APOOL: variants seen among roughly 807,000 people sequenced by gnomAD.
APOOL encodes apolipoprotein O like, also known as MICOS complex subunit MIC27.
In APOOL, 12 loss-of-function variants were observed where a neutral mutation model predicts 23.1. The ratio of observed to expected loss-of-function variants is 0.52; its 90% CI spans 0.33 to 0.84. The LOEUF (loss-of-function observed/expected upper bound fraction) is 0.84. APOOL is among the 40% of genes least tolerant of loss of function. The probability of loss-of-function intolerance (pLI) is 0.02; values close to 1 mark genes in which losing one functional copy is unlikely to be tolerated. For synonymous variants in APOOL, 77 were observed against 69.9 expected (o/e 1.10, Z -0.51); for missense variants, 212 against 199.6 (o/e 1.06, Z -0.37).
chrX:85,012,485 A>G (rs1438005781), intron 1 of APOOL, among the ~76,000 whole-genome samples: 1 of 111,565 alleles, frequency 9.0e-6, no homozygotes, highest in African/African-American at 3.3e-5. Flanking sequence ...TGGGTTTGTC[A>G]TAAATGGCTT....
rs57159309 is a variant in APOOL, at chrX:85,089,966, C to CAAAAA, written c.*2299_*2303dup. 1 of 81,552 alleles carries CAAAAA rather than the reference C, an allele frequency of 1.2e-5. No homozygotes were observed. 6.7% of individuals were successfully genotyped at this position (81,552 alleles called of 1,213,427 possible). ...AACAAATATTTAATATTAGCTTAAG[C>CAAAAA]AAAAAAAAAAAAAAAGGCCTATCCT... On this transcript the variant is annotated 3_prime_UTR_variant, in exon 9 of 9. Coordinates refer to ENST00000373173, the MANE Select transcript of APOOL (RefSeq NM_198450.6).
chrX:85,046,471 C>T lies in APOOL; in HGVS notation c.41C>T (p.Ala14Val). The change falls in exon 2 of 9, where the codon GCA (alanine) becomes GTA (valine). Residue 14 changes from alanine (A) to valine (V), a missense_variant. By Grantham distance (64) the Ala-to-Val change is moderately conservative. Coordinates refer to ENST00000373173, the MANE Select transcript of APOOL (RefSeq NM_198450.6). ...IRMGKLTTMP[A>V]GLIYASVSVH... ...ATGGGAAAACTGACAACCATGCCTGCAGGTCTGATATATGCATCTGTAAGT... is the reference window on the plus strand; with the variant it reads ...ATGGGAAAACTGACAACCATGCCTGTAGGTCTGATATATGCATCTGTAAGT... The T allele has an allele frequency of 8.3e-7, 1 of 1,206,827 alleles. No homozygotes were observed. The highest frequency in any genetic ancestry group is 1.1e-6 in the Non-Finnish European group (1 of 893,316).
At chrX:85,074,736 A>G (rs996065600) in intron 8 of APOOL, among the ~76,000 whole-genome samples, 3 of 110,759 alleles carry the variant, frequency 2.7e-5, no homozygotes, top group South Asian at 3.8e-4. Context: ...TCACACCTAC[A>G]TAAAGAAATG....
At chrX:85,024,178 G>A (rs1921764767) in intron 1 of APOOL, among the ~76,000 whole-genome samples, 1 of 112,337 alleles carries the variant, frequency 8.9e-6, no homozygotes. Flanking sequence ...CCAGCAAGGT[G>A]TTTACCCTTT....
chrX:85,048,540 C>CT (rs1922655147), intron 2 of APOOL, among the ~76,000 whole-genome samples: 1 of 112,086 alleles, frequency 8.9e-6, no homozygotes, highest in Non-Finnish European at 1.9e-5. Flanking sequence ...TTGTTGCCAG[C>CT]TATGTGCTAG....
At chrX:85,085,497 G>A (rs1002826769) in intron 8 of APOOL, among the ~76,000 whole-genome samples, 1 of 111,868 alleles carries the variant, frequency 8.9e-6, no homozygotes, top group Non-Finnish European at 1.9e-5. Context: ...ATGTGGTGAT[G>A]AAGTTACACA....
At chrX:85,058,878 A>T (rs1046197374) in intron 5 of APOOL, among the ~76,000 whole-genome samples, 3 of 109,056 alleles carry the variant, frequency 2.8e-5, no homozygotes, top group Non-Finnish European at 5.7e-5. Context: ...TCTTTTTTTT[A>T]ATTTTATTAT....
intron 5 of APOOL, among the ~76,000 whole-genome samples, chrX:85,059,774 A>G (rs1236416138): frequency 9.0e-6 from 1 of 111,243 alleles, no homozygotes; most frequent in East Asian, 2.8e-4. Context: ...GAGTCTGGAT[A>G]TTAGCCCTTT....
At chrX:85,032,701 A>G (rs1031198720) in intron 1 of APOOL, among the ~76,000 whole-genome samples, 5 of 111,527 alleles carry the variant, frequency 4.5e-5, no homozygotes, top group Non-Finnish European at 9.4e-5. Context: ...AAATTTCAGA[A>G]TAATTCTTTC....
chrX:85,064,618 T>C (rs1602782053), intron 5 of APOOL, among the ~76,000 whole-genome samples: 1 of 111,720 alleles, frequency 9.0e-6, no homozygotes, highest in Middle Eastern at 4.6e-3. Context: ...TCTTGATCTC[T>C]GCCTTAATTT....
chrX:85,069,777 A>T (rs1258493604), intron 6 of APOOL, among the ~76,000 whole-genome samples: 1 of 110,759 alleles, frequency 9.0e-6, no homozygotes. Context: ...CTTTTAAAAT[A>T]GAATGAACAG....
intron 2 of APOOL, among the ~76,000 whole-genome samples, chrX:85,050,454 T>C (rs1922725498): frequency 9.1e-6 from 1 of 110,258 alleles, no homozygotes. Context: ...TAGTGTTAAC[T>C]ATAGTTTCAT....
rs182764446 is a variant in APOOL, at chrX:85,075,099, A to G, written c.718+708A>G. Among the ~76,000 whole-genome samples the G allele has an allele frequency of 3.3e-3, 367 of 110,907 alleles. 2 individuals carry two copies. Among genetic ancestry groups the G allele is most frequent in the African/African-American group, 0.012 (353 of 30,615 alleles). ...CTATATAGATATCTATATAATTACA[A>G]TGTGAATTATAAAACCCGCTAAGTT... On this transcript the variant is annotated intron_variant, in intron 8 of 8. Transcript: ENST00000373173.
rs191503364 is a variant in APOOL, at chrX:85,070,361, T to C, written c.486+3143T>C. ...CTCCAGTTACTCATCATTTTGAAAA[T>C]AGACTTCAAGATGGAATTACTCTTC... On this transcript the variant is annotated intron_variant, in intron 6 of 8. Transcript: ENST00000373173. Among the ~76,000 whole-genome samples, 11 of 111,456 alleles carry C rather than the reference T, an allele frequency of 9.9e-5. No individual in the cohort carries two copies. In the East Asian group the frequency reaches 1.4e-3, roughly 14 times the overall value.
Position 85,051,504 on chromosome X carries a change from G to A in APOOL, c.236G>A (p.Cys79Tyr), listed in dbSNP as rs374498221. 1 of 1,209,489 alleles carries A rather than the reference G, an allele frequency of 8.3e-7. No individual in the cohort carries two copies. Among genetic ancestry groups the A allele is most frequent in the African/African-American group, 1.7e-5 (1 of 57,230 alleles). The change falls in exon 3 of 9, where the codon TGC becomes TAC. Residue 79 changes from cysteine (C) to tyrosine (Y), a missense_variant. Physicochemically the swap from Cys to Tyr is radical, Grantham distance 194. Transcript: ENST00000373173. Reference protein sequence around the residue: ...RTATGCYIGWCKGVYVFVKNG... With the variant: ...RTATGCYIGWYKGVYVFVKNG... ...GCAACTGGTTGTTACATTGGCTGGTGCAAGGTAAGTCAATTCTGATAGTGG... is the reference window on the plus strand; with the variant it reads ...GCAACTGGTTGTTACATTGGCTGGTACAAGGTAAGTCAATTCTGATAGTGG...
chrX:85,019,829 G>A (rs1921597341), intron 1 of APOOL, among the ~76,000 whole-genome samples: 1 of 112,174 alleles, frequency 8.9e-6, no homozygotes, highest in Admixed American at 9.4e-5. Flanking sequence ...GGACTGGGCT[G>A]TGGGTCTGTG....
chrX:85,067,178 C>T lies in APOOL; in HGVS notation c.446C>T (p.Ala149Val). The change falls in exon 6 of 9, where the codon GCA (alanine) becomes GTA (valine). Residue 149 changes from alanine (A) to valine (V), a missense_variant. Physicochemically the swap from Ala to Val is moderately conservative, Grantham distance 64. Coordinates refer to ENST00000373173, the MANE Select transcript of APOOL (RefSeq NM_198450.6). The stretch of plus-strand genomic sequence containing the variant: ...CCTCTGGGACTGGCCACTTTAGGAG[C>T]AACTGTTTGCTACCCAGTTCAGTCC... ...TYPLGLATLG[A>V]TVCYPVQSVI... The T allele has an allele frequency of 1.7e-6, 2 of 1,159,881 alleles. No individual in the cohort carries two copies. The highest frequency in any genetic ancestry group is 2.3e-6 in the Non-Finnish European group (2 of 867,482).
At chrX:85,051,578 G>A in intron 3 of APOOL, 70 bp downstream of exon 3, 1 of 1,153,645 alleles carries the variant, frequency 8.7e-7, no homozygotes, top group South Asian at 1.9e-5. Flanking sequence ...CTACTGATGT[G>A]TAGAAAACTA....
At chrX:85,016,413 G>T (rs760578710) in intron 1 of APOOL, among the ~76,000 whole-genome samples, 4 of 109,990 alleles carry the variant, frequency 3.6e-5, no homozygotes, top group Non-Finnish European at 5.7e-5. Context: ...AGTTATTCAC[G>T]TCATAGCCTC....
Sources: gnomAD v4.1 joint callset for allele counts (sites outside exome capture counted in the v4.1 genomes callset) on GRCh38, gnomAD v4.1.1 for gene constraint, MANE v1.5 for transcripts, NCBI Gene and HGNC (gene_info 2026-07-23, HGNC 2026-07-21) for gene names.